The following ARHGAP28 variants were observed in gnomAD, a reference collection of about 807,000 sequenced individuals.
ARHGAP28 encodes rho GTPase-activating protein 28.
A neutral mutation model predicts 90.7 loss-of-function variants in ARHGAP28; 56 were observed. That is an observed-to-expected ratio of 0.62 (90% CI 0.50 to 0.77). The LOEUF is 0.77. Ranked by LOEUF, ARHGAP28 falls within the 30% of genes least tolerant of loss-of-function variation. The pLI, the probability that ARHGAP28 is intolerant of heterozygous loss-of-function variation, is 0.00. For missense variants in ARHGAP28, 869 were observed against 900.9 expected, an observed-to-expected ratio of 0.96 and a Z score of 0.45; for synonymous variants, 308 against 323.3, an observed-to-expected ratio of 0.95 and a Z score of 0.51.
Position 6,863,243 on chromosome 18 carries a change from T to C in ARHGAP28, c.726+3346T>C, listed in dbSNP as rs555442654. Among the ~76,000 whole-genome samples the C allele has an allele frequency of 1.8e-3, 267 of 152,134 alleles. 2 individuals are homozygous for C. Among genetic ancestry groups the C allele is most frequent in the African/African-American group, 6.3e-3 (260 of 41,552 alleles). ...TAATGTTTCATCATTAAGGAGAGTATTTATTCTAAGATTCTGAGCTTTATA... is the reference window on the plus strand; with the variant it reads ...TAATGTTTCATCATTAAGGAGAGTACTTATTCTAAGATTCTGAGCTTTATA... On this transcript the variant is annotated intron_variant, in intron 5 of 17. Coordinates refer to ENST00000383472, the MANE Select transcript of ARHGAP28 (RefSeq NM_001366230.1).
intron 16 of ARHGAP28, among the ~76,000 whole-genome samples, chr18:6,902,008 T>C (rs1484069645): frequency 6.6e-6 from 1 of 152,192 alleles, no homozygotes; most frequent in Admixed American, 6.5e-5. Flanking sequence ...TCATCTTTAC[T>C]CATTTTAGGT....
intron 10 of ARHGAP28, 91 bp from the exon 11 acceptor site, chr18:6,882,046 A>T (rs1460149538): frequency 7.8e-7 from 1 of 1,275,018 alleles, no homozygotes; most frequent in Non-Finnish European, 1.1e-6. Flanking sequence ...CTGTTTACAA[A>T]AACAGTTTAT....
intron 1 of ARHGAP28, among the ~76,000 whole-genome samples, chr18:6,763,311 G>A (rs1343134005): frequency 6.6e-6 from 1 of 152,044 alleles, no homozygotes; most frequent in Admixed American, 6.6e-5. Flanking sequence ...TCGAACTCCT[G>A]ACCTCAAGTG....
chr18:6,752,613 C>T (rs2056078521), intron 1 of ARHGAP28, among the ~76,000 whole-genome samples: 1 of 152,122 alleles, frequency 6.6e-6, no homozygotes, highest in East Asian at 1.9e-4. Context: ...GTGCTAAATC[C>T]ACCTCAGCCT....
At chr18:6,859,295 A>T (rs987752720) in intron 4 of ARHGAP28, among the ~76,000 whole-genome samples, 1 of 152,148 alleles carries the variant, frequency 6.6e-6, no homozygotes, top group Non-Finnish European at 1.5e-5. Flanking sequence ...AGCCGCATGG[A>T]CACAGCCAGG....
At chr18:6,814,015 C>T (rs2056574165) in intron 1 of ARHGAP28, among the ~76,000 whole-genome samples, 1 of 152,066 alleles carries the variant, frequency 6.6e-6, no homozygotes, top group African/African-American at 2.4e-5. Flanking sequence ...CCAATCACAA[C>T]TGATGGAGCA....
intron 16 of ARHGAP28, among the ~76,000 whole-genome samples, chr18:6,901,557 A>C (rs1233674464): frequency 1.4e-5 from 2 of 146,554 alleles, no homozygotes; most frequent in East Asian, 2.0e-4. Context: ...AAAAAAAAAA[A>C]CAGCCCTTTA....
chr18:6,840,973 T>C (rs921966916), intron 3 of ARHGAP28, among the ~76,000 whole-genome samples: 4 of 152,150 alleles, frequency 2.6e-5, no homozygotes, highest in Non-Finnish European at 5.9e-5. Flanking sequence ...TGTTGTTTCC[T>C]AAAAAATTCG....
chr18:6,730,108 C>G, intron 1 of ARHGAP28, 165 bp downstream of exon 1: 1 of 711,116 alleles, frequency 1.4e-6, no homozygotes. Context: ...TTGTCTTTGA[C>G]TGGAGGTGGG....
chr18:6,898,520 C>T, intron 16 of ARHGAP28: 1 of 1,614,124 alleles, frequency 6.2e-7, no homozygotes, highest in Non-Finnish European at 8.5e-7. Flanking sequence ...CAGAGACCAA[C>T]AGGAGCCCCA....
At chr18:6,750,025 T>C (rs1327195826) in intron 1 of ARHGAP28, among the ~76,000 whole-genome samples, 1 of 152,140 alleles carries the variant, frequency 6.6e-6, no homozygotes, top group Non-Finnish European at 1.5e-5. Context: ...CTTCTGTCTA[T>C]TGGACTTTTC....
chr18:6,757,881 C>T (rs534421773), intron 1 of ARHGAP28, among the ~76,000 whole-genome samples: 194 of 152,230 alleles, frequency 1.3e-3, no homozygotes, highest in Middle Eastern at 0.01. Context: ...GGATCAAGCT[C>T]ACACAGCACT....
chr18:6,821,711 TG>T (rs577662908), intron 1 of ARHGAP28, among the ~76,000 whole-genome samples: 155 of 152,340 alleles, frequency 1.0e-3, no homozygotes, highest in Non-Finnish European at 1.9e-3. Flanking sequence ...TTGGGTGGAC[TG>T]TTTCAGAAGG....
intron 11 of ARHGAP28, among the ~76,000 whole-genome samples, chr18:6,884,659 G>C (rs191557097): frequency 6.6e-6 from 1 of 152,168 alleles, no homozygotes; most frequent in Non-Finnish European, 1.5e-5. Flanking sequence ...GAGCTCAACT[G>C]TGTGTTCAGT....
At chr18:6,749,535 A>G (rs2056051918) in intron 1 of ARHGAP28, among the ~76,000 whole-genome samples, 1 of 152,190 alleles carries the variant, frequency 6.6e-6, no homozygotes, top group Non-Finnish European at 1.5e-5. Flanking sequence ...ATGTTCTAAC[A>G]TTTCTATACC....
intron 1 of ARHGAP28, among the ~76,000 whole-genome samples, chr18:6,800,818 C>G (rs754743913): frequency 6.6e-6 from 1 of 152,164 alleles, no homozygotes; most frequent in Non-Finnish European, 1.5e-5. Flanking sequence ...TGTAACAAAC[C>G]TGCATGTTCT....
chr18:6,799,153 T>G (rs2056463630), intron 1 of ARHGAP28, among the ~76,000 whole-genome samples: 3 of 152,164 alleles, frequency 2.0e-5, no homozygotes, highest in Admixed American at 2.0e-4. Context: ...CCCTCAACAA[T>G]GTGTTTACTT....
rs1459335383 is a variant in ARHGAP28 at position 6,882,162 on chromosome 18, A to G, written c.1316A>G (p.Lys439Arg). 3.7e-6 allele frequency: 6 copies of G among 1,613,358 alleles called. No individual in the cohort carries two copies. The highest frequency in any genetic ancestry group is 2.2e-5 in the East Asian group (1 of 44,864). The change falls in exon 11 of 18, where the codon AAG (lysine) becomes AGG (arginine). Residue 439 changes from lysine to arginine, a missense_variant. Transcript: ENST00000383472. The stretch of plus-strand genomic sequence containing the variant: ...CAATACCGTGAAGAACTTGATGCCA[A>G]GTTTAATGCTGATAAATTTAAATGG... The part of the protein sequence containing the change: ...VKQYREELDA[K>R]FNADKFKWDK...
At chr18:6,860,828 A>G (rs770706643) in intron 5 of ARHGAP28, among the ~76,000 whole-genome samples, 2 of 152,204 alleles carry the variant, frequency 1.3e-5, no homozygotes, top group Non-Finnish European at 2.9e-5. Flanking sequence ...GAGGAATAAA[A>G]TAATATGAGT....
Sources: allele counts gnomAD v4.1 joint callset (sites outside exome capture counted in the v4.1 genomes callset), GRCh38; gene constraint gnomAD v4.1.1; transcripts MANE v1.5; gene names NCBI Gene and HGNC (gene_info 2026-07-23, HGNC 2026-07-21).